Variants in KSR2 observed in about 807,000 individuals in gnomAD.
The protein encoded by KSR2 is kinase suppressor of ras 2.
In KSR2, 25 loss-of-function variants were observed where a neutral mutation model predicts 107.8. That is an observed-to-expected ratio of 0.23 (90% confidence interval 0.17 to 0.32). The LOEUF (loss-of-function observed/expected upper bound fraction) is 0.32. KSR2 is among the 10% of genes least tolerant of loss of function. The probability of loss-of-function intolerance (pLI) is 1.00; values close to 1 mark genes in which losing one functional copy is unlikely to be tolerated. For synonymous variants in KSR2, 480 were observed against 507.0 expected (o/e 0.95, Z 0.71); for missense variants, 887 against 1,268.9 (o/e 0.70, Z 4.57).
chr12:117,910,257 T>G (rs1894973914), intron 1 of KSR2, among the ~76,000 whole-genome samples: 1 of 152,088 alleles, frequency 6.6e-6, no homozygotes. Context: ...AAAAAGAGTA[T>G]GCCAAGAAAG....
At chr12:117,795,447 C>G (rs147672730) in intron 3 of KSR2, among the ~76,000 whole-genome samples, 1 of 152,104 alleles carries the variant, frequency 6.6e-6, no homozygotes, top group Non-Finnish European at 1.5e-5. Context: ...CAGAAGAGCA[C>G]AAGATTCAGA....
chr12:117,808,029 T>A (rs1281918982), intron 3 of KSR2, among the ~76,000 whole-genome samples: 1 of 152,254 alleles, frequency 6.6e-6, no homozygotes, highest in African/African-American at 2.4e-5. Flanking sequence ...TGAACTTTCA[T>A]AATCTCTTGG....
intron 1 of KSR2, among the ~76,000 whole-genome samples, chr12:117,948,922 T>C (rs528505210): frequency 1.2e-4 from 18 of 151,906 alleles, no homozygotes; most frequent in Non-Finnish European, 2.4e-4. Context: ...GGTGAAACCC[T>C]GTCTCTACTA....
At chr12:117,913,562 A>T (rs1895088335) in intron 1 of KSR2, among the ~76,000 whole-genome samples, 1 of 152,196 alleles carries the variant, frequency 6.6e-6, no homozygotes, top group African/African-American at 2.4e-5. Context: ...GCATCCTTGT[A>T]AGAGACAGAA....
chr12:117,794,590 T>C (rs1195022871), intron 3 of KSR2, among the ~76,000 whole-genome samples: 1 of 142,736 alleles, frequency 7.0e-6, no homozygotes, highest in Non-Finnish European at 1.5e-5. Context: ...TACATCAACA[T>C]GCACACTCAC....
intron 10 of KSR2, 87 bp from the exon 11 acceptor site, chr12:117,531,794 G>T: frequency 3.2e-6 from 3 of 929,888 alleles, no homozygotes; most frequent in South Asian, 1.6e-5. Context: ...GCCACCACAT[G>T]GTCATTCTCT....
intron 5 of KSR2, among the ~76,000 whole-genome samples, chr12:117,613,782 T>A (rs1881728804): frequency 6.6e-6 from 1 of 152,244 alleles, no homozygotes; most frequent in Non-Finnish European, 1.5e-5. Context: ...GTTAATGGAC[T>A]GGCTGTGTCT....
intron 7 of KSR2, among the ~76,000 whole-genome samples, chr12:117,574,254 A>G (rs1879111605): frequency 6.6e-6 from 1 of 152,134 alleles, no homozygotes; most frequent in Non-Finnish European, 1.5e-5. Context: ...AAGTTTGAGA[A>G]CCATTATCTA....
intron 14 of KSR2, among the ~76,000 whole-genome samples, chr12:117,499,062 G>A (rs183245463): frequency 6.6e-6 from 1 of 152,324 alleles, no homozygotes. Context: ...CCATGAGCAA[G>A]GTACCACAGG....
chr12:117,575,420 G>A (rs1234143026), intron 7 of KSR2, among the ~76,000 whole-genome samples: 1 of 152,168 alleles, frequency 6.6e-6, no homozygotes, highest in Non-Finnish European at 1.5e-5. Context: ...CCATAGGTGT[G>A]TCTCCTGTAA....
chr12:117,773,324 A>G (rs1184855684), intron 3 of KSR2, among the ~76,000 whole-genome samples: 1 of 152,164 alleles, frequency 6.6e-6, no homozygotes, highest in African/African-American at 2.4e-5. Context: ...AGGTCTGAAG[A>G]TTGATTAAAG....
chr12:117,809,422 A>T (rs1467350890), intron 3 of KSR2, among the ~76,000 whole-genome samples: 3 of 152,158 alleles, frequency 2.0e-5, no homozygotes, highest in Non-Finnish European at 2.9e-5. Context: ...CCCATTTGTG[A>T]CAAGCCAACC....
chr12:117,603,153 TCAAGTTATGGGATTTATG>T (rs1881049727), intron 5 of KSR2, among the ~76,000 whole-genome samples: 1 of 152,352 alleles, frequency 6.6e-6, no homozygotes, highest in East Asian at 1.9e-4. Context: ...TATAGTTGTT[TCAAGTTATGGGATTTATG>T]CAAATAGAAA....
chr12:117,904,779 CAAG>C (rs1749830573), intron 1 of KSR2, among the ~76,000 whole-genome samples: 1 of 152,176 alleles, frequency 6.6e-6, no homozygotes, highest in Non-Finnish European at 1.5e-5. Flanking sequence ...ATTTAGCCCC[CAAG>C]AAGATGATCT....
In KSR2 at chr12:117,461,983, C is replaced by T. The variant is rs1429467366; in HGVS notation, c.*5216G>A. ...GCACATTCAGGGGTCAAGTGACAGT[C>T]CGCTACAGACAAGCCACTTACACAC... On this transcript the variant is annotated 3_prime_UTR_variant, in exon 20 of 20. Coordinates refer to ENST00000339824, the MANE Select transcript of KSR2 (RefSeq NM_173598.6). The T allele has an allele frequency of 6.6e-6, 1 of 152,196 alleles. No individual in the cohort carries two copies. The highest frequency in any genetic ancestry group is 1.5e-5 in the Non-Finnish European group (1 of 68,068). 9.4% of individuals were successfully genotyped at this position (152,196 alleles called of 1,614,324 possible). A position where few individuals can be genotyped will look rare whatever the true frequency, so the allele number is the denominator to read the frequency against.
intron 5 of KSR2, among the ~76,000 whole-genome samples, chr12:117,662,160 T>C (rs1884459793): frequency 6.6e-6 from 1 of 152,110 alleles, no homozygotes; most frequent in African/African-American, 2.4e-5. Flanking sequence ...GTAACTCCAA[T>C]AGGATATCTA....
At chr12:117,840,815 A>G (rs1158455298) in intron 3 of KSR2, among the ~76,000 whole-genome samples, 1 of 151,412 alleles carries the variant, frequency 6.6e-6, no homozygotes, top group Non-Finnish European at 1.5e-5. Flanking sequence ...AACCTGGCCA[A>G]CATGGTGAAA....
chr12:117,844,367 AAC>A (rs1175790723), intron 3 of KSR2, among the ~76,000 whole-genome samples: 2 of 152,134 alleles, frequency 1.3e-5, no homozygotes, highest in Non-Finnish European at 2.9e-5. Context: ...ATGATGATGA[AAC>A]TATACCCTAA....
intron 7 of KSR2, among the ~76,000 whole-genome samples, chr12:117,569,179 A>G (rs1878719773): frequency 6.6e-6 from 1 of 152,190 alleles, no homozygotes; most frequent in Non-Finnish European, 1.5e-5. Context: ...GGTAAAATAT[A>G]TTTTGTTGCA....
Sources: gnomAD v4.1 joint callset for allele counts (sites outside exome capture counted in the v4.1 genomes callset) on GRCh38, gnomAD v4.1.1 for gene constraint, MANE v1.5 for transcripts, NCBI Gene and HGNC (gene_info 2026-07-23, HGNC 2026-07-21) for gene names.